ENY2: variants seen among roughly 807,000 people sequenced by gnomAD.
The protein encoded by ENY2 is ENY2 transcription and export complex 2 subunit.
A neutral mutation model predicts 15.9 loss-of-function variants in ENY2; 4 were observed. The ratio of observed to expected loss-of-function variants is 0.25; its 90% CI spans 0.12 to 0.57. The LOEUF (loss-of-function observed/expected upper bound fraction) is 0.57, where lower values mean the gene tolerates loss of function less well. Ranked by LOEUF, ENY2 falls within the 20% of genes least tolerant of loss-of-function variation. The probability of loss-of-function intolerance (pLI) is 0.91; values close to 1 mark genes in which losing one functional copy is unlikely to be tolerated. For synonymous variants in ENY2, 48 were observed against 38.0 expected (o/e 1.26, Z -0.97); for missense variants, 54 against 117.2 (o/e 0.46, Z 2.49).
intron 4 of ENY2, among the ~76,000 whole-genome samples, chr8:109,341,714 C>T (rs1816115892): frequency 6.6e-6 from 1 of 152,218 alleles, no homozygotes; most frequent in East Asian, 1.9e-4. Context: ...TCTTAGTCTT[C>T]TTACTGTTGT....
chr8:109,345,521 G>GT lies in ENY2; in HGVS notation c.*2046dup, dbSNP rs1402542559. The GT allele has an allele frequency of 2.6e-5, 4 of 152,118 alleles. No individual in the cohort carries two copies. The highest frequency in any genetic ancestry group is 5.9e-5 in the Non-Finnish European group (4 of 68,020). 9.4% of individuals were successfully genotyped at this position (152,118 alleles called of 1,614,324 possible). On this transcript the variant is annotated 3_prime_UTR_variant, in exon 5 of 5. Transcript: ENST00000521688. ...ACAATCACAAAACCTACCCAAACAAGTTTTTTGTTTCACTTCATCTCTTAT... is the reference window on the plus strand; with the variant it reads ...ACAATCACAAAACCTACCCAAACAAGTTTTTTTGTTTCACTTCATCTCTTAT...
chr8:109,339,293 A>G, intron 2 of ENY2, 27 bp from the exon 3 acceptor site: 5 of 1,606,720 alleles, frequency 3.1e-6, no homozygotes, highest in Non-Finnish European at 4.3e-6. Context: ...TACATTGTTC[A>G]ATTTGAAAAC....
At position 109,343,393 on chromosome 8, in the gene ENY2, T is replaced by C. The variant is rs770010119; in HGVS notation, c.230-12T>C. 6.3e-6 allele frequency: 10 copies of C among 1,596,582 alleles called. No homozygotes were observed. The Admixed American group carries it at 1.1e-4, about 17-fold the overall frequency. On this transcript the variant is annotated splice_polypyrimidine_tract_variant and intron_variant, in intron 4 of 4. Transcript: ENST00000521688. ...ACCTTCTTACTCTTATTTTTTTATT[T>C]TTGTTTTTCAGCCCTGGTACCTGAC...
chr8:109,338,076 G>T (rs914573826), intron 2 of ENY2, among the ~76,000 whole-genome samples: 1 of 152,140 alleles, frequency 6.6e-6, no homozygotes, highest in Non-Finnish European at 1.5e-5. Flanking sequence ...GATCATGAAG[G>T]ATCATGTAGG....
intron 4 of ENY2, chr8:109,342,565 G>A (rs1001361635): frequency 1.9e-5 from 10 of 526,372 alleles, no homozygotes; most frequent in East Asian, 1.5e-4. Flanking sequence ...GATGGAGTGC[G>A]GTGGCATGAT....
At position 109,343,813 on chromosome 8, in the gene ENY2, T is replaced by C. The variant is rs558351771; in HGVS notation, c.*332T>C. On this transcript the variant is annotated 3_prime_UTR_variant, in exon 5 of 5. Transcript: ENST00000521688. ...TAACAGCTGAGAAGTAAGCAACCTTTTCTGACTGCATATGGTGTATTCCTC... is the reference window on the plus strand; with the variant it reads ...TAACAGCTGAGAAGTAAGCAACCTTCTCTGACTGCATATGGTGTATTCCTC... 5.7e-5 allele frequency: 11 copies of C among 192,918 alleles called. No individual in the cohort carries two copies. The East Asian group carries it at 1.5e-3, about 26-fold the overall frequency. The allele number at this position is 192,918 out of a possible 1,614,324, so 12.0% of individuals were successfully genotyped here.
chr8:109,342,041 AAAG>A (rs1816124077), intron 4 of ENY2, among the ~76,000 whole-genome samples: 1 of 152,200 alleles, frequency 6.6e-6, no homozygotes, highest in Admixed American at 6.5e-5. Flanking sequence ...AACAGTTTGT[AAAG>A]AAGAATATCT....
intron 1 of ENY2, 64 bp downstream of exon 1, chr8:109,334,538 C>G: frequency 6.4e-7 from 1 of 1,567,790 alleles, no homozygotes; most frequent in Non-Finnish European, 8.6e-7. Flanking sequence ...TTTCGATGTA[C>G]TGTCTTTCGT....
intron 4 of ENY2, among the ~76,000 whole-genome samples, chr8:109,341,547 T>G (rs1816112974): frequency 6.6e-6 from 1 of 152,208 alleles, no homozygotes. Flanking sequence ...TTACACTTAT[T>G]CTGTTAACAT....
At chr8:109,341,419 A>G (rs1237413346) in intron 4 of ENY2, among the ~76,000 whole-genome samples, 1 of 152,174 alleles carries the variant, frequency 6.6e-6, no homozygotes, top group African/African-American at 2.4e-5. Flanking sequence ...TACAATTGAA[A>G]AACATGACTT....
chr8:109,335,363 A>G (rs1000932965), intron 1 of ENY2: 1 of 136,488 alleles, frequency 7.3e-6, no homozygotes, highest in Non-Finnish European at 1.6e-5. Flanking sequence ...TGATTAATTA[A>G]TTTTTTTTTT....
At chr8:109,339,212 GTAAC>G in intron 2 of ENY2, 104 bp from the exon 3 acceptor site, 1 of 945,498 alleles carries the variant, frequency 1.1e-6, no homozygotes, top group Non-Finnish European at 1.6e-6. Context: ...TTAAAGTTTT[GTAAC>G]TGGAAGGCAG....
intron 4 of ENY2, 157 bp downstream of exon 4, chr8:109,340,720 T>G: frequency 3.8e-6 from 3 of 789,312 alleles, no homozygotes; most frequent in African/African-American, 1.8e-5. Flanking sequence ...CCTAGCATAG[T>G]CTGGGAGTAA....
chr8:109,335,746 T>G (rs936484702), intron 1 of ENY2: 2 of 158,014 alleles, frequency 1.3e-5, no homozygotes, highest in African/African-American at 4.8e-5. Flanking sequence ...GGATGCAGTC[T>G]CTGCAGAAGT....
rs1816202852 is a variant in ENY2, at chr8:109,344,840, A to G, written c.*1359A>G. The G allele has an allele frequency of 3.9e-5, 6 of 152,230 alleles. No individual in the cohort carries two copies. Among genetic ancestry groups the G allele is most frequent in the Admixed American group, 3.9e-4 (6 of 15,274 alleles). 9.4% of individuals were successfully genotyped at this position (152,230 alleles called of 1,614,324 possible). ...AGTAGACTTAGTATTTCTTTGCCTT[A>G]GTTGATCTGTGACCCCTCCAATATC... On this transcript the variant is annotated 3_prime_UTR_variant, in exon 5 of 5. Transcript: ENST00000521688.
At chr8:109,340,377 TA>T (rs1816086840) in intron 3 of ENY2, 111 bp from the exon 4 acceptor site, 3 of 1,479,844 alleles carry the variant, frequency 2.0e-6, no homozygotes, top group East Asian at 2.5e-5. Flanking sequence ...GTCCTTTTTT[TA>T]AAAAAACCAG....
chr8:109,342,701 G>T (rs188988722), intron 4 of ENY2: 8 of 696,972 alleles, frequency 1.1e-5, no homozygotes, highest in Admixed American at 1.0e-4. Flanking sequence ...GACAGGTTTC[G>T]CCATGTTGCC....
At chr8:109,336,961 G>C (rs530586959) in intron 2 of ENY2, among the ~76,000 whole-genome samples, 1 of 151,994 alleles carries the variant, frequency 6.6e-6, no homozygotes, top group Non-Finnish European at 1.5e-5. Context: ...ATAAGGAAGA[G>C]GGGGAATCTT....
Position 109,344,596 on chromosome 8 carries a change from T to C in ENY2, c.*1115T>C, listed in dbSNP as rs1816196172. ...CAATAATTGCCCCTGCTATATTCCT[T>C]ATTTCTGAATGGTACCTCCTAGCTA... is the stretch of plus-strand genomic sequence containing the variant. On this transcript the variant is annotated 3_prime_UTR_variant, in exon 5 of 5. Coordinates refer to ENST00000521688, the MANE Select transcript of ENY2 (RefSeq NM_020189.6). 6.6e-6 allele frequency: 1 copy of C among 152,214 alleles called. No homozygotes were observed. Among genetic ancestry groups the C allele is most frequent in the South Asian group, 2.1e-4 (1 of 4,830 alleles). The allele number at this position is 152,214 out of a possible 1,614,324, so 9.4% of individuals were successfully genotyped here. A position where few individuals can be genotyped will look rare whatever the true frequency, so the allele number is the denominator to read the frequency against.
Sources: gnomAD v4.1 joint callset for allele counts (sites outside exome capture counted in the v4.1 genomes callset) on GRCh38, gnomAD v4.1.1 for gene constraint, MANE v1.5 for transcripts, NCBI Gene and HGNC (gene_info 2026-07-23, HGNC 2026-07-21) for gene names.